MCF2L: variants seen among roughly 807,000 people sequenced by gnomAD.
MCF2L encodes the protein guanine nucleotide exchange factor DBS.
In MCF2L, 97 loss-of-function variants were observed where a neutral mutation model predicts 153.4. The ratio of observed to expected loss-of-function variants is 0.63; its 90% CI spans 0.54 to 0.75. The LOEUF (loss-of-function observed/expected upper bound fraction) is 0.75, where lower values mean the gene tolerates loss of function less well. Among genes scored for constraint, MCF2L ranks in the 30% least tolerant of loss-of-function variants. The probability of loss-of-function intolerance (pLI) is 0.00; values close to 1 mark genes in which losing one functional copy is unlikely to be tolerated. For synonymous variants in MCF2L, 659 were observed against 632.2 expected (o/e 1.04, Z -0.64); for missense variants, 1,347 against 1,495.2 (o/e 0.90, Z 1.64).
intron 2 of MCF2L, among the ~76,000 whole-genome samples, chr13:112,916,366 G>T (rs114147218): frequency 0.019 from 2,930 of 152,228 alleles, 95 homozygotes; most frequent in African/African-American, 0.067. Context: ...TCACTGATTT[G>T]TGCTTTTGCC....
rs903132955 is a variant in MCF2L, at chr13:112,943,372, G to A, written c.169+41001G>A. On this transcript the variant is annotated intron_variant, in intron 2 of 29. Transcript: ENST00000375608. The surrounding 1 kb of genome is among the most constrained non-coding windows in gnomAD (Gnocchi z 4.2). ...AGAGCCCAGGCGCGGGGAGGGCGGC[G>A]GCTCCCAGCTCCCGGTCCCCGGCTC... Among the ~76,000 whole-genome samples, 8 of 151,872 alleles carry A rather than the reference G, an allele frequency of 5.3e-5. No individual in the cohort carries two copies. Among genetic ancestry groups the A allele is most frequent in the Non-Finnish European group, 1.2e-4 (8 of 67,932 alleles).
Position 113,096,315 on chromosome 13 carries a change from G to A in MCF2L, c.3076-56G>A. 7 of 1,361,342 alleles carry A rather than the reference G, an allele frequency of 5.1e-6. No individual in the cohort carries two copies. The South Asian group carries it at 7.5e-5, about 15-fold the overall frequency. The allele number at this position is 1,361,342 out of a possible 1,614,324, so 84.3% of individuals were successfully genotyped here. A position where few individuals can be genotyped will look rare whatever the true frequency, so the allele number is the denominator to read the frequency against. On this transcript the variant is annotated intron_variant, in intron 27 of 29. Coordinates refer to ENST00000535094, the MANE Select transcript of MCF2L (RefSeq NM_001112732.3). ...CCGGCACTCCGCCTGGCTGCTGTGG[G>A]GCTGCTGCCGGGGCGGGTGCTGACG...
Position 113,064,408 on chromosome 13 carries a change from G to A in MCF2L, c.594G>A (p.Leu198=), listed in dbSNP as rs1167835994. 1 of 1,611,520 alleles carries A rather than the reference G, an allele frequency of 6.2e-7. No individual in the cohort carries two copies. The highest frequency in any genetic ancestry group is 2.2e-5 in the East Asian group (1 of 44,894). The change falls in exon 6 of 30, where the codon CTG becomes CTA. Residue 198 remains leucine, a synonymous_variant. Transcript: ENST00000535094. This position sits in a 1 kb window ranked among gnomAD's most constrained non-coding sequence, Gnocchi z 6.0. ...TGGACTACTGCCACTCCCGGTGGCT[G>A]TGCCAGCGCACGGTGAGCCGCGTCG... ...GTLDYCHSRW[L]CQRTAIESFA... is the part of the protein sequence containing the mutation.
rs199519040 is a variant in MCF2L at position 113,086,098 on chromosome 13, C to T, written c.2248-26C>T. ...AGCCAGGGCTCTCCGTGTCCCGACG[C>T]GGTTGCCTCACCCCATGCCCCTCAG... On this transcript the variant is annotated intron_variant, in intron 20 of 29. Transcript: ENST00000535094. The T allele has an allele frequency of 7.7e-5, 122 of 1,591,084 alleles. No homozygotes were observed. The African/African-American group carries it at 9.8e-4, about 13-fold the overall frequency.
At chr13:113,022,352 T>C (rs2084932141) in intron 2 of MCF2L, among the ~76,000 whole-genome samples, 1 of 152,126 alleles carries the variant, frequency 6.6e-6, no homozygotes, top group African/African-American at 2.4e-5. Flanking sequence ...CCACAGCCAG[T>C]GTACCCCAAG....
chr13:113,003,846 G>T (rs1193154548), intron 1 of MCF2L, among the ~76,000 whole-genome samples: 1 of 152,178 alleles, frequency 6.6e-6, no homozygotes, highest in Non-Finnish European at 1.5e-5. Context: ...GCCACCTGTG[G>T]GTGACCTTTC....
upstream of MCF2L, among the ~76,000 whole-genome samples, chr13:112,964,399 C>T (rs2081869065): frequency 6.6e-6 from 1 of 152,202 alleles, no homozygotes. Context: ...TCATGATGCT[C>T]CCTGCGACAG....
At chr13:112,964,155 A>G (rs968729843) in intron 2 of MCF2L, among the ~76,000 whole-genome samples, 2 of 152,334 alleles carry the variant, frequency 1.3e-5, no homozygotes, top group Non-Finnish European at 2.9e-5. Flanking sequence ...CCCACCTCGG[A>G]TGGCCCCTGC....
rs61222550 is a variant in MCF2L, at chr13:112,934,555, A to ATGCTGCTGCTGCTGCTGC, written c.169+32193_169+32210dup. 2.0e-3 allele frequency among the ~76,000 whole-genome samples: 292 copies of ATGCTGCTGCTGCTGCTGC among 147,466 alleles called. 3 individuals carry two copies. Among genetic ancestry groups the ATGCTGCTGCTGCTGCTGC allele is most frequent in the African/African-American group, 4.1e-3 (165 of 39,780 alleles). ...CCAAGAGTGTGCAGATTTCCAGGGG[A>ATGCTGCTGCTGCTGCTGC]TGCTGCTGCTGCTGCTGCTGCTGCT... On this transcript the variant is annotated intron_variant, in intron 2 of 29. Transcript: ENST00000375608.
At chr13:112,982,952 G>A (rs926144597) in intron 1 of MCF2L, among the ~76,000 whole-genome samples, 1 of 152,150 alleles carries the variant, frequency 6.6e-6, no homozygotes, top group Admixed American at 6.5e-5. Context: ...TGGGGCTGGG[G>A]CTGGGGCGCA....
chr13:112,982,959 C>T lies in MCF2L; in HGVS notation c.79+13501C>T, dbSNP rs531073234. On this transcript the variant is annotated intron_variant, in intron 1 of 29. Transcript: ENST00000535094. ...AGCTGGGCTGGGGCTGGGGCTGGGGCGCAGCTCGTCCCCGAGTCCATGGTG... is the reference window on the plus strand; with the variant it reads ...AGCTGGGCTGGGGCTGGGGCTGGGGTGCAGCTCGTCCCCGAGTCCATGGTG... Among the ~76,000 whole-genome samples, 169 of 152,128 alleles carry T rather than the reference C, an allele frequency of 1.1e-3. 1 individual carries two copies. The highest frequency in any genetic ancestry group is 2.3e-3 in the South Asian group (11 of 4,810).
At chr13:112,942,527 C>T (rs1337952541) in intron 2 of MCF2L, among the ~76,000 whole-genome samples, 1 of 152,198 alleles carries the variant, frequency 6.6e-6, no homozygotes, top group African/African-American at 2.4e-5. Context: ...TCTTTTATCT[C>T]TTTGTCTTGT....
At chr13:113,094,969 G>GT in intron 27 of MCF2L, 1 of 1,383,254 alleles carries the variant, frequency 7.2e-7, no homozygotes, top group Non-Finnish European at 9.7e-7. Flanking sequence ...TAATTTCCAG[G>GT]TGCCCACCCA....
rs2032736910 is a variant in MCF2L at position 113,070,054 on chromosome 13, C to G, written c.882-5C>G. On this transcript the variant is annotated splice_polypyrimidine_tract_variant and splice_region_variant and intron_variant, in intron 8 of 29. Transcript: ENST00000535094. This position sits in a 1 kb window ranked among gnomAD's most constrained non-coding sequence, Gnocchi z 5.6. ...CACAGACGGTCAACTCCTCCTCTTT[C>G]CCAGGCTCCTGGCCCAGCTGAACGA... 1 of 1,606,302 alleles carries G rather than the reference C, an allele frequency of 6.2e-7. No homozygotes were observed. Among genetic ancestry groups the G allele is most frequent in the East Asian group, 2.3e-5 (1 of 44,338 alleles).
chr13:112,978,048 T>G (rs1056403925), intron 1 of MCF2L, among the ~76,000 whole-genome samples: 1 of 152,192 alleles, frequency 6.6e-6, no homozygotes, highest in Non-Finnish European at 1.5e-5. Flanking sequence ...CATTCCAATC[T>G]GGGGGATAGA....
rs931362712 is a variant in MCF2L, at chr13:113,081,120, A to G, written c.1809-93A>G. 9.3e-6 allele frequency: 10 copies of G among 1,079,094 alleles called. No homozygotes were observed. In the African/African-American group the frequency reaches 9.6e-5, roughly 10 times the overall value. The allele number at this position is 1,079,094 out of a possible 1,614,324, so 66.8% of individuals were successfully genotyped here. A position where few individuals can be genotyped will look rare whatever the true frequency, so the allele number is the denominator to read the frequency against. On this transcript the variant is annotated intron_variant, in intron 15 of 29. Coordinates refer to ENST00000535094, the MANE Select transcript of MCF2L (RefSeq NM_001112732.3). Reference sequence around the variant, plus strand: ...CCAGTCCCCTCCTGCTGGGCAGGCCATCATTCTAGGTGGCACCTGTGAGAC... The same window carrying G: ...CCAGTCCCCTCCTGCTGGGCAGGCCGTCATTCTAGGTGGCACCTGTGAGAC...
intron 2 of MCF2L, among the ~76,000 whole-genome samples, chr13:112,955,520 T>C (rs1208629610): frequency 1.3e-5 from 2 of 152,178 alleles, no homozygotes; most frequent in Non-Finnish European, 2.9e-5. Flanking sequence ...ATCCTCGAAA[T>C]AACCCACAAG....
chr13:113,055,582 A>G lies in MCF2L; in HGVS notation c.370-5011A>G, dbSNP rs146969645. ...GGTTTTCCGTAAATAGTGGTGTCCA[A>G]TTTCACAGCAGTGTGAGGGATTTTC... On this transcript the variant is annotated intron_variant, in intron 4 of 29. Transcript: ENST00000535094. 7.1e-3 allele frequency among the ~76,000 whole-genome samples: 1,078 copies of G among 152,292 alleles called. 7 individuals carry two copies. The highest frequency in any genetic ancestry group is 0.012 in the Non-Finnish European group (836 of 68,016).
chr13:113,052,477 G>C (rs1324087394), intron 4 of MCF2L: 1 of 166,440 alleles, frequency 6.0e-6, no homozygotes, highest in African/African-American at 2.4e-5. Flanking sequence ...TGCCTGGAGC[G>C]AGACTATTTG....
Sources: allele counts gnomAD v4.1 joint callset (sites outside exome capture counted in the v4.1 genomes callset), GRCh38; gene constraint gnomAD v4.1.1; non-coding constraint Gnocchi (gnomAD v3.1); transcripts MANE v1.5; gene names NCBI Gene and HGNC (gene_info 2026-07-23, HGNC 2026-07-21).